Variants in CEP83 observed in about 807,000 individuals in gnomAD.
CEP83 encodes the protein centrosomal protein 83.
In CEP83, 70 loss-of-function variants were observed where a neutral mutation model predicts 101.9. That is an observed-to-expected ratio of 0.69 (90% CI 0.57 to 0.84). CEP83 has a LOEUF of 0.84. Ranked by LOEUF, CEP83 falls within the 40% of genes least tolerant of loss-of-function variation. The pLI, the probability that CEP83 is intolerant of heterozygous loss-of-function variation, is 0.00. For missense variants in CEP83, 715 were observed against 787.2 expected, an observed-to-expected ratio of 0.91 and a Z score of 1.10; for synonymous variants, 264 against 267.9, an observed-to-expected ratio of 0.99 and a Z score of 0.14.
chr12:94,271,854 G>A, the CEP83 span, among the ~76,000 whole-genome samples: 1 of 152,212 alleles, frequency 6.6e-6, no homozygotes, highest in Admixed American at 6.5e-5. Flanking sequence ...TATTGATGAT[G>A]TGGGATGTGG....
At chr12:94,291,808 C>A in the CEP83 span, among the ~76,000 whole-genome samples, 2 of 152,132 alleles carry the variant, frequency 1.3e-5, no homozygotes, top group Non-Finnish European at 2.9e-5. Flanking sequence ...AGGTTTGCTA[C>A]AAGGGTATAC....
intron 6 of CEP83, among the ~76,000 whole-genome samples, chr12:94,383,369 C>T (rs1403547488): frequency 1.3e-5 from 2 of 152,174 alleles, no homozygotes; most frequent in Admixed American, 1.3e-4. Flanking sequence ...GCCGGCAACA[C>T]AGCATATGGA....
intron 11 of CEP83, among the ~76,000 whole-genome samples, chr12:94,355,189 A>G (rs763046895): frequency 6.5e-4 from 99 of 152,298 alleles, no homozygotes; most frequent in Non-Finnish European, 1.2e-3. Context: ...CATGTTCCCC[A>G]GGGAACTAGA....
chr12:94,389,443 G>C (rs958743924), intron 6 of CEP83, among the ~76,000 whole-genome samples: 2 of 152,190 alleles, frequency 1.3e-5, no homozygotes, highest in African/African-American at 4.8e-5. Context: ...CCAGATCTTA[G>C]TTTTTAAATT....
At chr12:94,368,237 A>G (rs759008826) in intron 9 of CEP83, 36 bp from the exon 10 acceptor site, 1 of 1,523,990 alleles carries the variant, frequency 6.6e-7, no homozygotes, top group Non-Finnish European at 8.9e-7. Context: ...TACTATATTC[A>G]ATGTTATTAA....
At chr12:94,366,967 T>C (rs1378209014) in intron 11 of CEP83, among the ~76,000 whole-genome samples, 1 of 152,030 alleles carries the variant, frequency 6.6e-6, no homozygotes. Flanking sequence ...AATCTTATAA[T>C]CTATAGAAAA....
At chr12:94,438,710 T>C (rs2066180449) in intron 1 of CEP83, among the ~76,000 whole-genome samples, 1 of 152,202 alleles carries the variant, frequency 6.6e-6, no homozygotes, top group Non-Finnish European at 1.5e-5. Flanking sequence ...TTACAGAACA[T>C]TCTACCCAAC....
chr12:94,356,585 C>A (rs1473632553), intron 11 of CEP83, among the ~76,000 whole-genome samples: 1 of 152,164 alleles, frequency 6.6e-6, no homozygotes, highest in Non-Finnish European at 1.5e-5. Flanking sequence ...TAGAATACAT[C>A]CCCCAGATCA....
chr12:94,423,216 C>T (rs1378160996), intron 2 of CEP83, among the ~76,000 whole-genome samples: 1 of 152,126 alleles, frequency 6.6e-6, no homozygotes, highest in Non-Finnish European at 1.5e-5. Flanking sequence ...TCCCAAGTAG[C>T]TGGGATTACA....
chr12:94,293,763 T>C, the CEP83 span, among the ~76,000 whole-genome samples: 70 of 152,106 alleles, frequency 4.6e-4, no homozygotes, highest in Admixed American at 2.5e-3. Flanking sequence ...GGACTACAGG[T>C]GTGCACCAAT....
intron 2 of CEP83, among the ~76,000 whole-genome samples, chr12:94,420,486 T>C (rs1174340113): frequency 6.6e-6 from 1 of 152,248 alleles, no homozygotes; most frequent in Non-Finnish European, 1.5e-5. Flanking sequence ...CTGTAGCCCA[T>C]GGGCCACATA....
intron 1 of CEP83, among the ~76,000 whole-genome samples, chr12:94,455,504 T>G (rs958696334): frequency 5.3e-5 from 8 of 152,232 alleles, no homozygotes; most frequent in African/African-American, 1.9e-4. Flanking sequence ...TTCTATATCT[T>G]CAACTGAAGT....
chr12:94,277,435 C>T, the CEP83 span, among the ~76,000 whole-genome samples: 1 of 152,224 alleles, frequency 6.6e-6, no homozygotes, highest in Non-Finnish European at 1.5e-5. Flanking sequence ...AGAAGCCCCA[C>T]ATCCACGTCA....
intron 11 of CEP83, among the ~76,000 whole-genome samples, chr12:94,345,836 C>T (rs148874855): frequency 1.4e-4 from 22 of 152,224 alleles, no homozygotes; most frequent in African/African-American, 4.8e-4. Context: ...GATTTCCATA[C>T]GATTGTCCAT....
At chr12:94,347,221 A>C (rs2059982992) in intron 11 of CEP83, among the ~76,000 whole-genome samples, 1 of 152,062 alleles carries the variant, frequency 6.6e-6, no homozygotes, top group Non-Finnish European at 1.5e-5. Flanking sequence ...ATTATAAATC[A>C]ATAAGATAAC....
chr12:94,299,528 T>A, the CEP83 span, among the ~76,000 whole-genome samples: 15 of 152,064 alleles, frequency 9.9e-5, no homozygotes, highest in Admixed American at 9.2e-4. Context: ...CCCAATTCTC[T>A]ACGCTGGCTT....
chr12:94,397,604 G>T (rs752118331), intron 6 of CEP83, among the ~76,000 whole-genome samples: 3 of 152,136 alleles, frequency 2.0e-5, no homozygotes, highest in Non-Finnish European at 2.9e-5. Context: ...TTAGTCATCA[G>T]ATTTCGAATG....
At chr12:94,345,400 C>T (rs2059886788) in intron 11 of CEP83, among the ~76,000 whole-genome samples, 1 of 152,036 alleles carries the variant, frequency 6.6e-6, no homozygotes, top group African/African-American at 2.4e-5. Flanking sequence ...TCTTTGTTAC[C>T]GTATTAGGCC....
intron 2 of CEP83, among the ~76,000 whole-genome samples, chr12:94,428,204 A>G (rs1228141526): frequency 6.6e-6 from 1 of 152,230 alleles, no homozygotes; most frequent in Admixed American, 6.5e-5. Flanking sequence ...GTAAATTACC[A>G]AAGTCTCTGA....
Sources: gnomAD v4.1 joint callset for allele counts (sites outside exome capture counted in the v4.1 genomes callset) on GRCh38, gnomAD v4.1.1 for gene constraint, MANE v1.5 for transcripts, NCBI Gene and HGNC (gene_info 2026-07-23, HGNC 2026-07-21) for gene names.